The following DLG2 variants were observed in gnomAD, a reference collection of about 807,000 sequenced individuals.
DLG2 encodes disks large homolog 2.
In DLG2, 45 loss-of-function variants were observed where a neutral mutation model predicts 132.5. That is an observed-to-expected ratio of 0.34 (90% CI 0.27 to 0.44). The LOEUF (loss-of-function observed/expected upper bound fraction) is 0.44. Among genes scored for constraint, DLG2 ranks in the 20% least tolerant of loss-of-function variants. The probability of loss-of-function intolerance (pLI) is 1.00; values close to 1 mark genes in which losing one functional copy is unlikely to be tolerated. For synonymous variants in DLG2, 424 were observed against 419.6 expected, an observed-to-expected ratio of 1.01 and a Z score of -0.13; for missense variants, 1,045 against 1,196.9, an observed-to-expected ratio of 0.87 and a Z score of 1.87.
In DLG2 at chr11:84,039,370, G is replaced by T. The variant is rs1207254016; in HGVS notation, c.919+19945C>A. Among the ~76,000 whole-genome samples, 620 of 91,396 alleles carry T rather than the reference G, an allele frequency of 6.8e-3. 3 individuals are homozygous for T. Among genetic ancestry groups the T allele is most frequent in the African/African-American group, 0.028 (597 of 21,450 alleles). 60.0% of individuals were successfully genotyped at this position (91,396 alleles called of 152,430 possible). ...ATCTCCTAATGCTATCCCTCCCCCCGCCCCCCACCCCACAACAGTCCCCAG... is the reference window on the plus strand; with the variant it reads ...ATCTCCTAATGCTATCCCTCCCCCCTCCCCCCACCCCACAACAGTCCCCAG... On this transcript the variant is annotated intron_variant, in intron 11 of 27. Coordinates refer to ENST00000376104, the MANE Select transcript of DLG2 (RefSeq NM_001142699.3).
chr11:85,193,305 C>T (rs1301036212), intron 4 of DLG2, among the ~76,000 whole-genome samples: 1 of 152,102 alleles, frequency 6.6e-6, no homozygotes, highest in East Asian at 1.9e-4. Flanking sequence ...TATTGTTTAT[C>T]CATTCATCAG....
In DLG2 at chr11:85,254,357, G is replaced by T. The variant is rs150012406; in HGVS notation, c.186+30863C>A. Among the ~76,000 whole-genome samples the T allele has an allele frequency of 2.6e-4, 39 of 152,212 alleles. 1 individual carries two copies. The highest frequency in any genetic ancestry group is 1.3e-3 in the Admixed American group (20 of 15,296). On this transcript the variant is annotated intron_variant, in intron 4 of 27. Coordinates refer to ENST00000376104, the MANE Select transcript of DLG2 (RefSeq NM_001142699.3). ...CAAAACAGTATATAGAGAATATAAT[G>T]TTGCAAACAAAAATATACACACTTA...
At chr11:84,792,035 T>G (rs2073922763) in intron 6 of DLG2, among the ~76,000 whole-genome samples, 1 of 152,162 alleles carries the variant, frequency 6.6e-6, no homozygotes, top group Non-Finnish European at 1.5e-5. Context: ...AGGCTTTCAG[T>G]TTTTCCCCAT....
Position 84,441,754 on chromosome 11 carries a change from C to T in DLG2, c.519+92816G>A, listed in dbSNP as rs12785941. ...AAAGTACAATCTTTTTCTCAAAGAG[C>T]CCTATATAGCTGGGGACACATATCT... is the stretch of plus-strand genomic sequence containing the variant. On this transcript the variant is annotated intron_variant, in intron 7 of 27. Transcript: ENST00000376104. Among the ~76,000 whole-genome samples the T allele has an allele frequency of 5.4e-3, 828 of 152,214 alleles. 8 individuals are homozygous for T. The highest frequency in any genetic ancestry group is 9.8e-3 in the Non-Finnish European group (668 of 67,992).
intron 22 of DLG2, chr11:83,480,317 A>G (rs1342503074): frequency 7.3e-7 from 1 of 1,376,892 alleles, no homozygotes; most frequent in Non-Finnish European, 1.0e-6. Flanking sequence ...AATGACCACC[A>G]CAGGCAATGG....
At chr11:84,795,230 T>C (rs2074411581) in intron 6 of DLG2, among the ~76,000 whole-genome samples, 1 of 152,178 alleles carries the variant, frequency 6.6e-6, no homozygotes, top group African/African-American at 2.4e-5. Context: ...ACTGTGGGTC[T>C]CCTCTTTGCT....
At chr11:84,190,451 C>G (rs2096385129) in intron 8 of DLG2, among the ~76,000 whole-genome samples, 1 of 152,076 alleles carries the variant, frequency 6.6e-6, no homozygotes, top group Admixed American at 6.6e-5. Flanking sequence ...GTCTTTTTCC[C>G]CCTCTAGAAT....
chr11:84,231,963 C>T (rs1461884033), intron 8 of DLG2, among the ~76,000 whole-genome samples: 2 of 151,982 alleles, frequency 1.3e-5, no homozygotes, highest in East Asian at 1.9e-4. Flanking sequence ...GACAGAAAGA[C>T]TCCCAGAAAT....
At chr11:83,609,313 A>G (rs1168121304) in intron 19 of DLG2, among the ~76,000 whole-genome samples, 1 of 152,224 alleles carries the variant, frequency 6.6e-6, no homozygotes, top group African/African-American at 2.4e-5. Flanking sequence ...CCAGCCTTGT[A>G]GCCAACCTGC....
chr11:84,724,747 A>G (rs1307721530), intron 6 of DLG2, among the ~76,000 whole-genome samples: 2 of 152,148 alleles, frequency 1.3e-5, no homozygotes, highest in Non-Finnish European at 2.9e-5. Flanking sequence ...CCAACTAACA[A>G]AAATATTTTT....
At chr11:83,866,959 T>A (rs1157817644) in intron 16 of DLG2, among the ~76,000 whole-genome samples, 1 of 152,200 alleles carries the variant, frequency 6.6e-6, no homozygotes, top group East Asian at 1.9e-4. Flanking sequence ...TTTGGAGATA[T>A]TATTCCTCCA....
chr11:84,819,354 C>T (rs2077429153), intron 6 of DLG2, among the ~76,000 whole-genome samples: 1 of 151,898 alleles, frequency 6.6e-6, no homozygotes, highest in African/African-American at 2.4e-5. Flanking sequence ...CCTGCCAGGA[C>T]TTCCAGTGCA....
chr11:85,562,427 C>G (rs958100747), intron 3 of DLG2, among the ~76,000 whole-genome samples: 6 of 151,654 alleles, frequency 4.0e-5, no homozygotes, highest in African/African-American at 1.5e-4. Context: ...TTGCTACACT[C>G]TTCATGTATA....
At chr11:83,499,860 T>G (rs1253636366) in intron 21 of DLG2, among the ~76,000 whole-genome samples, 1 of 52,088 alleles carries the variant, frequency 1.9e-5, no homozygotes, top group Non-Finnish European at 3.6e-5. Context: ...GAGATATATA[T>G]ATATATATAT....
At chr11:85,546,060 C>G (rs1452101062) in intron 3 of DLG2, among the ~76,000 whole-genome samples, 3 of 152,110 alleles carry the variant, frequency 2.0e-5, no homozygotes, top group Non-Finnish European at 4.4e-5. Context: ...TCCTGCTTCT[C>G]TAGTTCTTTT....
chr11:84,595,258 C>T (rs1013679996), intron 6 of DLG2, among the ~76,000 whole-genome samples: 2 of 152,040 alleles, frequency 1.3e-5, no homozygotes, highest in Non-Finnish European at 2.9e-5. Context: ...GTGCGTGCCA[C>T]CATGCTGGGC....
intron 7 of DLG2, among the ~76,000 whole-genome samples, chr11:84,369,847 G>A (rs1315430250): frequency 6.6e-6 from 1 of 152,084 alleles, no homozygotes; most frequent in African/African-American, 2.4e-5. Context: ...CATGTGCCAG[G>A]AGCATGCAGA....
intron 10 of DLG2, among the ~76,000 whole-genome samples, chr11:84,065,227 A>G (rs1319087341): frequency 6.6e-6 from 1 of 152,200 alleles, no homozygotes; most frequent in Non-Finnish European, 1.5e-5. Flanking sequence ...ATGGGACCTA[A>G]TCAAACTAAA....
chr11:84,225,514 A>G (rs1449438474), intron 8 of DLG2, among the ~76,000 whole-genome samples: 1 of 152,186 alleles, frequency 6.6e-6, no homozygotes, highest in African/African-American at 2.4e-5. Context: ...ACAATATTCT[A>G]GTATTGATTA....
Sources: allele counts gnomAD v4.1 joint callset (sites outside exome capture counted in the v4.1 genomes callset), GRCh38; gene constraint gnomAD v4.1.1; transcripts MANE v1.5; gene names NCBI Gene and HGNC (gene_info 2026-07-23, HGNC 2026-07-21).